The following SUPT3H variants were observed in gnomAD, a reference collection of about 807,000 sequenced individuals.
SUPT3H encodes transcription initiation protein SPT3 homolog.
SUPT3H carries 44 observed loss-of-function variants against 44.3 expected under a neutral mutation model. That is an observed-to-expected ratio of 0.99 (90% CI 0.78 to 1.28). SUPT3H has a LOEUF of 1.28. SUPT3H is among the 50% of genes most tolerant of loss of function. The probability of loss-of-function intolerance (pLI) is 0.00; values close to 1 mark genes in which losing one functional copy is unlikely to be tolerated. For missense variants in SUPT3H, 380 were observed against 387.1 expected (o/e 0.98, Z 0.15); for synonymous variants, 124 against 125.6 (o/e 0.99, Z 0.09).
At chr6:45,272,394 G>A (rs1562839299) in intron 2 of SUPT3H, among the ~76,000 whole-genome samples, 1 of 152,140 alleles carries the variant, frequency 6.6e-6, no homozygotes, top group African/African-American at 2.4e-5. Context: ...CACGAGATCT[G>A]ATGGTTTGAT....
intron 8 of SUPT3H, among the ~76,000 whole-genome samples, chr6:44,953,704 T>G (rs887905816): frequency 3.9e-5 from 6 of 152,134 alleles, no homozygotes; most frequent in Non-Finnish European, 8.8e-5. Context: ...GTTTTAAGCA[T>G]ATAGTCTAGG....
chr6:45,225,869 T>C (rs553252964), intron 2 of SUPT3H, among the ~76,000 whole-genome samples: 2 of 152,258 alleles, frequency 1.3e-5, no homozygotes, highest in East Asian at 3.9e-4. Context: ...TAGTAATTTA[T>C]CAATGAAACT....
rs141391383 is a variant in SUPT3H at position 44,838,112 on chromosome 6, C to T, written c.913-8255G>A. Reference sequence around the variant, plus strand: ...AAAGACAATAAATAAAAAATTATGACAAAAATCAGGAGATGGTAGTTAATA... The same window carrying T: ...AAAGACAATAAATAAAAAATTATGATAAAAATCAGGAGATGGTAGTTAATA... On this transcript the variant is annotated intron_variant, in intron 10 of 10. Coordinates refer to ENST00000371459, the MANE Select transcript of SUPT3H (RefSeq NM_003599.4). Among the ~76,000 whole-genome samples, 3 of 152,202 alleles carry T rather than the reference C, an allele frequency of 2.0e-5. 1 individual carries two copies. The highest frequency in any genetic ancestry group is 4.4e-5 in the Non-Finnish European group (3 of 68,000).
At chr6:45,182,418 C>A (rs1018440052) in intron 2 of SUPT3H, among the ~76,000 whole-genome samples, 1 of 152,098 alleles carries the variant, frequency 6.6e-6, no homozygotes, top group Non-Finnish European at 1.5e-5. Flanking sequence ...CCTGCCCCCA[C>A]GCCTGGCTAA....
chr6:45,277,688 C>T (rs551744497), intron 2 of SUPT3H, among the ~76,000 whole-genome samples: 24 of 152,216 alleles, frequency 1.6e-4, no homozygotes, highest in Middle Eastern at 3.4e-3. Context: ...TTTACACACA[C>T]GCAATTCCAA....
chr6:45,175,709 T>C (rs1487570595), intron 2 of SUPT3H, among the ~76,000 whole-genome samples: 2 of 97,608 alleles, frequency 2.0e-5, no homozygotes, highest in Non-Finnish European at 3.9e-5. Flanking sequence ...ACTCAAGTGA[T>C]ATTAAAAAAA....
At chr6:45,339,529 T>C (rs747574896) in intron 2 of SUPT3H, among the ~76,000 whole-genome samples, 6 of 152,130 alleles carry the variant, frequency 3.9e-5, no homozygotes, top group Non-Finnish European at 7.3e-5. Flanking sequence ...ATAGAGGTGA[T>C]AGTCAATGGT....
chr6:45,121,284 A>G (rs898463760), intron 2 of SUPT3H, among the ~76,000 whole-genome samples: 4 of 152,052 alleles, frequency 2.6e-5, no homozygotes, highest in Non-Finnish European at 5.9e-5. Flanking sequence ...AGAACGTCCC[A>G]TTTTTTTCTA....
intron 2 of SUPT3H, among the ~76,000 whole-genome samples, chr6:45,253,872 TACACACACACAGTAC>T (rs1772853899): frequency 3.2e-5 from 4 of 124,050 alleles, no homozygotes; most frequent in East Asian, 2.4e-4. Flanking sequence ...TATATATATA[TACACACACACAGTAC>T]ATATATAGAA....
intron 10 of SUPT3H, among the ~76,000 whole-genome samples, chr6:44,897,760 C>G (rs772708416): frequency 6.6e-6 from 1 of 152,142 alleles, no homozygotes; most frequent in Non-Finnish European, 1.5e-5. Flanking sequence ...GGAGGGAGCT[C>G]AAGTTCAGTT....
At chr6:44,842,400 TAATA>T (rs1179384514) in intron 10 of SUPT3H, among the ~76,000 whole-genome samples, 2 of 152,262 alleles carry the variant, frequency 1.3e-5, no homozygotes, top group South Asian at 2.1e-4. Context: ...TATTATTCAT[TAATA>T]AATAATGTTT....
At chr6:44,863,386 T>G (rs1335039832) in intron 10 of SUPT3H, among the ~76,000 whole-genome samples, 1 of 152,112 alleles carries the variant, frequency 6.6e-6, no homozygotes, top group African/African-American at 2.4e-5. Flanking sequence ...AAAGCAACGG[T>G]GAGTTCTAGA....
rs531307704 is a variant in SUPT3H, at chr6:44,844,655, C to T, written c.913-14798G>A. Among the ~76,000 whole-genome samples, 10 of 152,198 alleles carry T rather than the reference C, an allele frequency of 6.6e-5. No homozygotes were observed. In the East Asian group the frequency reaches 1.9e-3, roughly 29 times the overall value. On this transcript the variant is annotated intron_variant, in intron 10 of 10. Coordinates refer to ENST00000371459, the MANE Select transcript of SUPT3H (RefSeq NM_003599.4). Reference sequence around the variant, plus strand: ...TCAGACTCAAAGGGGTACATATATACAATTTGCATTTGTATGACATATTAC... The same window carrying T: ...TCAGACTCAAAGGGGTACATATATATAATTTGCATTTGTATGACATATTAC...
intron 3 of SUPT3H, among the ~76,000 whole-genome samples, chr6:45,030,097 T>C (rs1231653722): frequency 1.3e-5 from 2 of 152,200 alleles, no homozygotes; most frequent in Non-Finnish European, 2.9e-5. Context: ...TATTTAACTA[T>C]TGAAATGAAA....
At chr6:45,364,981 GAACT>G (rs546593485) in intron 2 of SUPT3H, among the ~76,000 whole-genome samples, 1 of 152,144 alleles carries the variant, frequency 6.6e-6, no homozygotes, top group East Asian at 1.9e-4. Flanking sequence ...TTATAAAGAT[GAACT>G]AATACTCATT....
intron 6 of SUPT3H, among the ~76,000 whole-genome samples, chr6:44,982,353 A>G (rs538684050): frequency 4.8e-4 from 73 of 152,214 alleles, no homozygotes; most frequent in African/African-American, 1.6e-3. Context: ...CCTCCCGAGT[A>G]GCTGGGACTA....
intron 2 of SUPT3H, among the ~76,000 whole-genome samples, chr6:45,142,329 A>C (rs142016446): frequency 6.6e-6 from 1 of 152,312 alleles, no homozygotes; most frequent in African/African-American, 2.4e-5. Context: ...CCTATAAAAT[A>C]ACACAATGAA....
chr6:45,008,896 T>C (rs1170312511), intron 5 of SUPT3H, among the ~76,000 whole-genome samples: 5 of 152,032 alleles, frequency 3.3e-5, no homozygotes, highest in Non-Finnish European at 7.4e-5. Flanking sequence ...CACACCACTA[T>C]ACCCAGCTCA....
chr6:45,175,150 T>C (rs1476582451), intron 2 of SUPT3H, among the ~76,000 whole-genome samples: 1 of 152,100 alleles, frequency 6.6e-6, no homozygotes, highest in Non-Finnish European at 1.5e-5. Flanking sequence ...TAAAAATTAT[T>C]TGTTTGTATA....
Sources: allele counts gnomAD v4.1 joint callset (sites outside exome capture counted in the v4.1 genomes callset), GRCh38; gene constraint gnomAD v4.1.1; transcripts MANE v1.5; gene names NCBI Gene and HGNC (gene_info 2026-07-23, HGNC 2026-07-21).